The following CNEP1R1 variants were observed in gnomAD, a reference collection of about 807,000 sequenced individuals.
CNEP1R1 encodes CTD nuclear envelope phosphatase 1 regulatory subunit 1, also known as nuclear envelope phosphatase-regulatory subunit 1.
CNEP1R1 carries 10 observed loss-of-function variants against 22.7 expected under a neutral mutation model. The observed-to-expected ratio is 0.44, with a 90% confidence interval of 0.27 to 0.75. The LOEUF is 0.75. Among genes scored for constraint, CNEP1R1 ranks in the 30% least tolerant of loss-of-function variants. The pLI is 0.17. For missense variants in CNEP1R1, 73 were observed against 151.5 expected (o/e 0.48, Z 2.72); for synonymous variants, 53 against 50.1 (o/e 1.06, Z -0.25).
intron 1 of CNEP1R1, 98 bp downstream of exon 1, chr16:50,025,438 G>A (rs1334361819): frequency 2.3e-6 from 3 of 1,291,190 alleles, no homozygotes; most frequent in Non-Finnish European, 3.1e-6. Flanking sequence ...CCGGGAGGAG[G>A]CCGCAGAGGA....
intron 2 of CNEP1R1, among the ~76,000 whole-genome samples, 180 bp from the exon 3 acceptor site, chr16:50,029,545 A>G (rs1226357938): frequency 1.3e-5 from 2 of 152,240 alleles, no homozygotes; most frequent in Admixed American, 6.5e-5. Context: ...AAGGTTCACA[A>G]TGTTTAAGAG....
At chr16:50,031,267 A>AG (rs1295920744) in intron 3 of CNEP1R1, among the ~76,000 whole-genome samples, 1 of 152,248 alleles carries the variant, frequency 6.6e-6, no homozygotes. Context: ...CAGCCAGAGA[A>AG]GTTTATTTCG....
intron 4 of CNEP1R1, 65 bp from the exon 5 acceptor site, chr16:50,034,037 C>G (rs2036254846): frequency 1.6e-6 from 2 of 1,249,860 alleles, no homozygotes; most frequent in Admixed American, 4.0e-5. Flanking sequence ...AGGCTTGAGC[C>G]ACCGCACCCG....
intron 4 of CNEP1R1, among the ~76,000 whole-genome samples, 169 bp downstream of exon 4, chr16:50,033,675 G>A (rs2036250484): frequency 6.6e-6 from 1 of 151,550 alleles, no homozygotes; most frequent in African/African-American, 2.4e-5. Context: ...ACCAGCCTGG[G>A]CAACATGGTG....
chr16:50,036,786 T>C lies in CNEP1R1; in HGVS notation c.*1328T>C, dbSNP rs923599136. 6.6e-6 allele frequency: 1 copy of C among 152,662 alleles called. No homozygotes were observed. Among genetic ancestry groups the C allele is most frequent in the Non-Finnish European group, 1.5e-5 (1 of 68,038 alleles). The allele number at this position is 152,662 out of a possible 1,614,324, so 9.5% of individuals were successfully genotyped here. A position where few individuals can be genotyped will look rare whatever the true frequency, so the allele number is the denominator to read the frequency against. ...AAGTACTGGAGGTGCCTTTTACCTG[T>C]TTATTAGATTTTGAAAAGGTTTAAA... On this transcript the variant is annotated 3_prime_UTR_variant, in exon 6 of 6. Coordinates refer to ENST00000427478, the MANE Select transcript of CNEP1R1 (RefSeq NM_001281789.2).
intron 5 of CNEP1R1, chr16:50,034,777 C>G (rs2036261482): frequency 6.5e-6 from 1 of 154,662 alleles, no homozygotes. Flanking sequence ...TGGTGCACAC[C>G]TGTAGTCCCA....
At chr16:50,032,518 G>C (rs771118347) in intron 3 of CNEP1R1, among the ~76,000 whole-genome samples, 3 of 152,096 alleles carry the variant, frequency 2.0e-5, no homozygotes, top group Non-Finnish European at 2.9e-5. Flanking sequence ...AACCAAATTT[G>C]TTTTTTGCCT....
intron 2 of CNEP1R1, 35 bp from the exon 3 acceptor site, chr16:50,029,690 A>G (rs768043081): frequency 3.1e-6 from 4 of 1,285,924 alleles, no homozygotes; most frequent in South Asian, 2.4e-5. Context: ...TTAAGTATGT[A>G]TTTGCTTACT....
rs1333386482 is a variant in CNEP1R1 at position 50,036,985 on chromosome 16, A to G, written c.*1527A>G. ...AGCAATAAAACCCTCAGCTCCTAAG[A>G]AGTCTTAAGAGGGTATTCTATATAT... On this transcript the variant is annotated 3_prime_UTR_variant, in exon 6 of 6. Coordinates refer to ENST00000427478, the MANE Select transcript of CNEP1R1 (RefSeq NM_001281789.2). 1 of 152,616 alleles carries G rather than the reference A, an allele frequency of 6.6e-6. No individual in the cohort carries two copies. Among genetic ancestry groups the G allele is most frequent in the Non-Finnish European group, 1.5e-5 (1 of 68,028 alleles). 9.5% of individuals were successfully genotyped at this position (152,616 alleles called of 1,614,324 possible). A position where few individuals can be genotyped will look rare whatever the true frequency, so the allele number is the denominator to read the frequency against.
In CNEP1R1 at chr16:50,033,388, CT is replaced by C; in HGVS notation, c.172-5del. On this transcript the variant is annotated splice_polypyrimidine_tract_variant and splice_region_variant and intron_variant, in intron 3 of 5. Coordinates refer to ENST00000427478, the MANE Select transcript of CNEP1R1 (RefSeq NM_001281789.2). ...TAACATTTTTATATTTTCATCTCTT[CT>C]TTTACAGGTGTCCTTCTTCACATCA... The C allele has an allele frequency of 1.4e-6, 2 of 1,456,330 alleles. No homozygotes were observed. Among genetic ancestry groups the C allele is most frequent in the Non-Finnish European group, 1.9e-6 (2 of 1,043,412 alleles). 90.2% of individuals were successfully genotyped at this position (1,456,330 alleles called of 1,614,324 possible).
chr16:50,026,018 A>G lies in CNEP1R1; in HGVS notation c.26-378A>G, dbSNP rs368080475. On this transcript the variant is annotated intron_variant, in intron 1 of 5. Transcript: ENST00000427478. ...TGATGTTAGGCACTACGTGGTTCTA[A>G]TAGGAAGTTCTTGGTTCCCAGAGAG... 108 of 454,082 alleles carry G rather than the reference A, an allele frequency of 2.4e-4. 1 individual carries two copies. Among genetic ancestry groups the G allele is most frequent in the East Asian group, 1.7e-3 (50 of 29,854 alleles). The allele number at this position is 454,082 out of a possible 1,614,324, so 28.1% of individuals were successfully genotyped here.
intron 3 of CNEP1R1, among the ~76,000 whole-genome samples, chr16:50,032,896 T>A (rs1053493566): frequency 6.6e-6 from 1 of 151,804 alleles, no homozygotes; most frequent in Non-Finnish European, 1.5e-5. Flanking sequence ...TCCCAGCTAC[T>A]TGGGAGGGTG....
At chr16:50,032,518 G>GT (rs1836433237) in intron 3 of CNEP1R1, among the ~76,000 whole-genome samples, 2 of 152,214 alleles carry the variant, frequency 1.3e-5, no homozygotes, top group East Asian at 1.9e-4. Flanking sequence ...AACCAAATTT[G>GT]TTTTTTGCCT....
chr16:50,033,863 C>CAA (rs748163459), intron 4 of CNEP1R1, among the ~76,000 whole-genome samples: 3 of 101,254 alleles, frequency 3.0e-5, no homozygotes, highest in African/African-American at 7.2e-5. Context: ...GACTGCGTCT[C>CAA]AAAAAAAAAA....
At position 50,026,402 on chromosome 16, in the gene CNEP1R1, A is replaced by G; in HGVS notation, c.32A>G (p.Lys11Arg). 6.2e-7 allele frequency: 1 copy of G among 1,607,488 alleles called. No homozygotes were observed. Among genetic ancestry groups the G allele is most frequent in the Non-Finnish European group, 8.5e-7 (1 of 1,176,370 alleles). The change falls in exon 2 of 6, where the codon AAG becomes AGG. Residue 11 changes from lysine (K) to arginine (R), a missense_variant. Coordinates refer to ENST00000427478, the MANE Select transcript of CNEP1R1 (RefSeq NM_001281789.2). MNSLEQAEDL[K>R]AFERRLTEYI... is the part of the protein sequence containing the mutation. The stretch of plus-strand genomic sequence containing the variant: ...TTGACATCTTTATACCTAGATCTCA[A>G]GGCTTTTGAGAGGAGACTTACTGAA...
In CNEP1R1 at chr16:50,030,071, CA is replaced by C. The variant is rs1244686603; in HGVS notation, c.171+274del. ...TTCACTTCTGAATTTATCATTTTTA[CA>C]TTTTTTTTATATCTCTCATTTTTAC... On this transcript the variant is annotated intron_variant, in intron 3 of 5. Transcript: ENST00000427478. Among the ~76,000 whole-genome samples, 5 of 152,266 alleles carry C rather than the reference CA, an allele frequency of 3.3e-5. No individual in the cohort carries two copies. The South Asian group carries it at 6.2e-4, about 19-fold the overall frequency.
chr16:50,029,793 C>A lies in CNEP1R1; in HGVS notation c.166C>A (p.Gln56Lys), dbSNP rs775498946. The change falls in exon 3 of 6, where the codon CAA becomes AAA. Residue 56 changes from glutamine to lysine, a missense_variant. Coordinates refer to ENST00000427478, the MANE Select transcript of CNEP1R1 (RefSeq NM_001281789.2). ...GAACTGGTTAATAGACCCTGAGACA[C>A]AAAAGGTAGAAGTTTTGTTTTAAAA... ...AWNWLIDPET[Q>K]KVSFFTSLWN... 1 of 1,590,144 alleles carries A rather than the reference C, an allele frequency of 6.3e-7. No individual in the cohort carries two copies. Among genetic ancestry groups the A allele is most frequent in the Non-Finnish European group, 8.6e-7 (1 of 1,159,312 alleles).
intron 3 of CNEP1R1, among the ~76,000 whole-genome samples, chr16:50,032,581 A>T (rs1302441679): frequency 6.6e-6 from 1 of 152,210 alleles, no homozygotes; most frequent in Non-Finnish European, 1.5e-5. Context: ...GATATGTAAG[A>T]GTTAGCCAGG....
In CNEP1R1 at chr16:50,025,282, A is replaced by G. The variant is rs1017760442; in HGVS notation, c.-34A>G. ...GGGCCGCGGAAGCTGCGATGCGGACAGGGCAGCGGCGGTGACCCGAGCTGC... is the reference window on the plus strand; with the variant it reads ...GGGCCGCGGAAGCTGCGATGCGGACGGGGCAGCGGCGGTGACCCGAGCTGC... On this transcript the variant is annotated 5_prime_UTR_variant, in exon 1 of 6. Coordinates refer to ENST00000427478, the MANE Select transcript of CNEP1R1 (RefSeq NM_001281789.2). 5.0e-6 allele frequency: 7 copies of G among 1,405,916 alleles called. No individual in the cohort carries two copies. Among genetic ancestry groups the G allele is most frequent in the African/African-American group, 1.5e-5 (1 of 65,748 alleles). The allele number at this position is 1,405,916 out of a possible 1,614,324, so 87.1% of individuals were successfully genotyped here.
Sources: allele counts gnomAD v4.1 joint callset (sites outside exome capture counted in the v4.1 genomes callset), GRCh38; gene constraint gnomAD v4.1.1; transcripts MANE v1.5; gene names NCBI Gene and HGNC (gene_info 2026-07-23, HGNC 2026-07-21).